The following CDKL4 variants were observed in gnomAD, a reference collection of about 807,000 sequenced individuals.
CDKL4 encodes cyclin-dependent kinase-like 4.
Under a neutral mutation model 42.0 loss-of-function variants are expected in CDKL4, and 44 were observed. The ratio of observed to expected loss-of-function variants is 1.05; its 90% CI spans 0.82 to 1.35. The LOEUF (loss-of-function observed/expected upper bound fraction) is 1.35. Ranked by LOEUF, CDKL4 falls within the 40% of genes most tolerant of loss-of-function variation. The pLI, the probability that CDKL4 is intolerant of heterozygous loss-of-function variation, is 0.00. For synonymous variants in CDKL4, 120 were observed against 121.6 expected (o/e 0.99, Z 0.09); for missense variants, 393 against 369.9 (o/e 1.06, Z -0.51).
chr2:39,170,170 A>G, the CDKL4 span, among the ~76,000 whole-genome samples: 3 of 151,234 alleles, frequency 2.0e-5, no homozygotes, highest in Non-Finnish European at 4.4e-5. Flanking sequence ...GGTCCTAACT[A>G]CTACTCTTAA....
At chr2:39,206,226 G>T (rs929013609) in intron 4 of CDKL4, among the ~76,000 whole-genome samples, 1 of 151,966 alleles carries the variant, frequency 6.6e-6, no homozygotes, top group Non-Finnish European at 1.5e-5. Context: ...GATTACAGGC[G>T]CTCACCACCA....
At position 39,226,477 on chromosome 2, in the gene CDKL4, A is replaced by ATATATATTATATATATATT. The variant is rs1288955376; in HGVS notation, c.169-518_169-517insAATATATATATAATATATA. 9.1e-3 allele frequency among the ~76,000 whole-genome samples: 229 copies of ATATATATTATATATATATT among 25,220 alleles called. 2 individuals are homozygous for ATATATATTATATATATATT. Among genetic ancestry groups the ATATATATTATATATATATT allele is most frequent in the East Asian group, 0.014 (9 of 622 alleles). The allele number at this position is 25,220 out of a possible 152,430, so 16.5% of individuals were successfully genotyped here. On this transcript the variant is annotated intron_variant, in intron 2 of 9. Coordinates refer to ENST00000451199, the Ensembl canonical transcript of CDKL4. ...TATATTATATATATTATATATATAT[A>ATATATATTATATATATATT]ATATATATTATATATTTTCAGCATT...
chr2:39,213,298 A>G (rs1321846789), intron 4 of CDKL4, 102 bp downstream of exon 4: 18 of 759,720 alleles, frequency 2.4e-5, no homozygotes, highest in Non-Finnish European at 1.3e-5. Flanking sequence ...TTTGGCTCTT[A>G]CTTTCCCTTT....
chr2:39,201,164 A>T (rs1237885963), intron 5 of CDKL4, among the ~76,000 whole-genome samples: 1 of 152,134 alleles, frequency 6.6e-6, no homozygotes, highest in East Asian at 1.9e-4. Flanking sequence ...ACATGAATAG[A>T]CATTCTCAAA....
chr2:39,213,535 G>A, intron 3 of CDKL4, 63 bp from the exon 4 acceptor site: 2 of 1,102,906 alleles, frequency 1.8e-6, no homozygotes, highest in Non-Finnish European at 2.8e-6. Flanking sequence ...AGCAAGGGCT[G>A]GGAATAGAAG....
chr2:39,197,127 T>TA (rs1676566049), intron 5 of CDKL4, among the ~76,000 whole-genome samples: 1 of 151,734 alleles, frequency 6.6e-6, no homozygotes, highest in South Asian at 2.1e-4. Flanking sequence ...AGAGCATAAA[T>TA]AAAAAAACAG....
At chr2:39,219,435 T>TTTATTTA (rs1558574839) in intron 3 of CDKL4, among the ~76,000 whole-genome samples, 6 of 80,572 alleles carry the variant, frequency 7.4e-5, no homozygotes, top group Non-Finnish European at 1.0e-4. Flanking sequence ...TTATTTATTT[T>TTTATTTA]TTTGAGACAG....
chr2:39,239,778 G>A (rs887821759), intron 1 of CDKL4, among the ~76,000 whole-genome samples: 2 of 152,188 alleles, frequency 1.3e-5, no homozygotes, highest in African/African-American at 4.8e-5. Flanking sequence ...TTGGAAAACA[G>A]TTTGGCAATG....
At chr2:39,214,448 A>T (rs1245847962) in intron 3 of CDKL4, among the ~76,000 whole-genome samples, 1 of 152,204 alleles carries the variant, frequency 6.6e-6, no homozygotes, top group Non-Finnish European at 1.5e-5. Flanking sequence ...ATATGGATAT[A>T]TCATAATTTA....
chr2:39,197,765 G>C (rs1311347869), intron 5 of CDKL4, among the ~76,000 whole-genome samples: 1 of 152,156 alleles, frequency 6.6e-6, no homozygotes, highest in Non-Finnish European at 1.5e-5. Context: ...GAAAGATACA[G>C]TCTTTTTCAG....
chr2:39,190,750 G>T (rs1469043107), intron 5 of CDKL4, among the ~76,000 whole-genome samples: 3 of 152,142 alleles, frequency 2.0e-5, no homozygotes, highest in Middle Eastern at 3.2e-3. Context: ...GTGTGATAGG[G>T]ATGGGGGGAA....
chr2:39,168,425 T>C, the CDKL4 span, among the ~76,000 whole-genome samples: 7 of 152,298 alleles, frequency 4.6e-5, no homozygotes, highest in South Asian at 1.0e-3. Flanking sequence ...TAAGCAAATT[T>C]TGGGGTAAAT....
intron 3 of CDKL4, among the ~76,000 whole-genome samples, chr2:39,223,963 T>C (rs1678536562): frequency 6.6e-6 from 1 of 152,180 alleles, no homozygotes; most frequent in African/African-American, 2.4e-5. Flanking sequence ...TCCTTTTCTG[T>C]GTGTGCTCTG....
chr2:39,206,455 T>C (rs1283745940), intron 4 of CDKL4, among the ~76,000 whole-genome samples: 1 of 152,146 alleles, frequency 6.6e-6, no homozygotes, highest in African/African-American at 2.4e-5. Context: ...AAACAGATGC[T>C]CCTCGCTGGA....
intron 3 of CDKL4, among the ~76,000 whole-genome samples, chr2:39,222,586 T>G (rs1678444506): frequency 6.6e-6 from 1 of 151,890 alleles, no homozygotes; most frequent in Non-Finnish European, 1.5e-5. Context: ...TGAGACTCTG[T>G]CTCTAAATAA....
exon 9 of CDKL4, chr2:39,179,296 T>A: frequency 1.2e-6 from 2 of 1,602,308 alleles, no homozygotes; most frequent in Non-Finnish European, 1.7e-6. Context: ...GGTTAATCTG[T>A]CATCTGGATT....
chr2:39,240,486 T>G (rs1413420862), intron 1 of CDKL4, among the ~76,000 whole-genome samples: 1 of 144,016 alleles, frequency 6.9e-6, no homozygotes, highest in African/African-American at 2.6e-5. Context: ...CCAGGAAAAA[T>G]TTTAAAATAG....
exon 6 of CDKL4, chr2:39,190,483 G>A (rs56049461): frequency 4.1e-5 from 66 of 1,613,964 alleles, no homozygotes; most frequent in Admixed American, 4.0e-4. Context: ...CTACATAATC[G>A]GTGTAGGCAT....
upstream of CDKL4, among the ~76,000 whole-genome samples, chr2:39,246,165 C>T (rs1158261852): frequency 6.6e-6 from 1 of 152,176 alleles, no homozygotes; most frequent in Admixed American, 6.5e-5. Context: ...CTCTCTTCTC[C>T]TTTTCTCATC....
Sources: allele counts gnomAD v4.1 joint callset (sites outside exome capture counted in the v4.1 genomes callset), GRCh38; gene constraint gnomAD v4.1.1; transcripts MANE v1.5; gene names NCBI Gene and HGNC (gene_info 2026-07-23, HGNC 2026-07-21).